ITGB3BP: variants seen among roughly 807,000 people sequenced by gnomAD.
ITGB3BP encodes integrin subunit beta 3 binding protein.
Under a neutral mutation model 29.1 loss-of-function variants are expected in ITGB3BP, and 27 were observed. That is an observed-to-expected ratio of 0.93 (90% confidence interval 0.68 to 1.28). The LOEUF is 1.28. Ranked by LOEUF, ITGB3BP falls within the 50% of genes most tolerant of loss-of-function variation. ITGB3BP has a pLI of 0.00. For missense variants in ITGB3BP, 192 were observed against 200.2 expected (o/e 0.96, Z 0.25); for synonymous variants, 61 against 61.4 (o/e 0.99, Z 0.03).
chr1:63,518,502 G>A (rs1489739375), intron 1 of ITGB3BP, among the ~76,000 whole-genome samples: 2 of 151,016 alleles, frequency 1.3e-5, no homozygotes, highest in East Asian at 1.9e-4. Flanking sequence ...TTTCATCTAA[G>A]TACAATTTAC....
chr1:63,472,477 TCTC>T (rs1450930101), intron 4 of ITGB3BP, among the ~76,000 whole-genome samples: 4 of 111,604 alleles, frequency 3.6e-5, no homozygotes, highest in Non-Finnish European at 5.4e-5. Context: ...CTCTCCCCTC[TCTC>T]CTCTCCACGG....
intron 4 of ITGB3BP, among the ~76,000 whole-genome samples, chr1:63,468,663 A>G (rs1482524247): frequency 6.6e-6 from 1 of 152,008 alleles, no homozygotes; most frequent in Non-Finnish European, 1.5e-5. Context: ...GGAGTTCAAG[A>G]CCAGCCTGAC....
intron 1 of ITGB3BP, among the ~76,000 whole-genome samples, chr1:63,521,554 T>G (rs1646445595): frequency 6.6e-6 from 1 of 152,152 alleles, no homozygotes; most frequent in African/African-American, 2.4e-5. Flanking sequence ...CTTTTAGGCC[T>G]GACACAGTGG....
At chr1:63,491,669 A>C (rs2100683681) in intron 2 of ITGB3BP, among the ~76,000 whole-genome samples, 1 of 152,220 alleles carries the variant, frequency 6.6e-6, no homozygotes, top group East Asian at 1.9e-4. Context: ...TATAGCATTC[A>C]AAAAAAATTT....
At chr1:63,504,149 G>A (rs2100751686) in intron 2 of ITGB3BP, among the ~76,000 whole-genome samples, 1 of 152,000 alleles carries the variant, frequency 6.6e-6, no homozygotes, top group South Asian at 2.1e-4. Flanking sequence ...CCATGAGCAT[G>A]GAATGTTCTT....
chr1:63,489,100 C>T (rs570599971), intron 3 of ITGB3BP, among the ~76,000 whole-genome samples: 1 of 151,962 alleles, frequency 6.6e-6, no homozygotes, highest in Non-Finnish European at 1.5e-5. Context: ...AAAGTGTATA[C>T]ATTTTCATAC....
intron 3 of ITGB3BP, among the ~76,000 whole-genome samples, chr1:63,485,948 T>A (rs1284427550): frequency 6.6e-6 from 1 of 152,042 alleles, no homozygotes; most frequent in African/African-American, 2.4e-5. Flanking sequence ...GCTACTCTAA[T>A]TTGCAAATTC....
In ITGB3BP at chr1:63,448,372, A is replaced by T. The variant is rs564806106; in HGVS notation, c.485-1516T>A. ...AAGCAATCTAGGCAGAGGGAAAGGTAGCAAAGTGTTCTGGGGTCCTGAAAG... is the reference window on the plus strand; with the variant it reads ...AAGCAATCTAGGCAGAGGGAAAGGTTGCAAAGTGTTCTGGGGTCCTGAAAG... On this transcript the variant is annotated intron_variant, in intron 7 of 8. Coordinates refer to ENST00000271002, the MANE Select transcript of ITGB3BP (RefSeq NM_014288.5). Among the ~76,000 whole-genome samples, 137 of 152,032 alleles carry T rather than the reference A, an allele frequency of 9.0e-4. No individual in the cohort carries two copies. The Middle Eastern group carries it at 0.01, about 11-fold the overall frequency.
At chr1:63,498,906 T>C (rs147549659) in intron 2 of ITGB3BP, among the ~76,000 whole-genome samples, 41 of 152,138 alleles carry the variant, frequency 2.7e-4, no homozygotes, top group African/African-American at 9.6e-4. Context: ...AAAAGGGATG[T>C]TACTACTGGC....
At chr1:63,482,130 G>A (rs547548150) in intron 3 of ITGB3BP, among the ~76,000 whole-genome samples, 28 of 151,682 alleles carry the variant, frequency 1.8e-4, no homozygotes, top group African/African-American at 9.7e-5. Flanking sequence ...AAAATTACCC[G>A]CGCCTGGTGG....
chr1:63,456,441 A>C (rs1644938012), intron 4 of ITGB3BP, among the ~76,000 whole-genome samples: 1 of 152,146 alleles, frequency 6.6e-6, no homozygotes, highest in Non-Finnish European at 1.5e-5. Context: ...ATGGTATCAT[A>C]AAGGAATTCC....
At chr1:63,498,849 T>C (rs1252329093) in intron 2 of ITGB3BP, among the ~76,000 whole-genome samples, 1 of 145,522 alleles carries the variant, frequency 6.9e-6, no homozygotes, top group African/African-American at 2.5e-5. Flanking sequence ...GGAGGGAGGG[T>C]GGAAGGAAGG....
rs1294849221 is a variant in ITGB3BP, at chr1:63,453,951, G to T, written c.451C>A (p.Leu151Met). ...ELMTKVNKQK[L>M]FEKSTGLPHK... is the part of the protein sequence containing the mutation. ...GGAAGTCCTGTACTCTTTTCAAACA[G>T]TTTTTGTTTATTCACTTTTGTCACT... The change falls in exon 7 of 9, where the codon CTG (leucine) becomes ATG (methionine). Residue 151 changes from leucine to methionine, a missense_variant. Transcript: ENST00000271002. 6.3e-7 allele frequency: 1 copy of T among 1,578,618 alleles called. No homozygotes were observed. Among genetic ancestry groups the T allele is most frequent in the Non-Finnish European group, 8.7e-7 (1 of 1,155,472 alleles).
upstream of ITGB3BP, chr1:63,523,309 C>T (rs542656822): frequency 1.6e-5 from 13 of 788,908 alleles, no homozygotes; most frequent in East Asian, 3.0e-4. Context: ...CGGGTGTGCG[C>T]GAGCAAAGGA....
intron 3 of ITGB3BP, among the ~76,000 whole-genome samples, chr1:63,482,039 G>C (rs889420550): frequency 2.0e-5 from 3 of 152,036 alleles, no homozygotes; most frequent in Admixed American, 2.0e-4. Context: ...TTGGGAGGCT[G>C]AGGCAGGTGG....
At chr1:63,505,351 G>A (rs374843682) in intron 2 of ITGB3BP, among the ~76,000 whole-genome samples, 26 of 151,996 alleles carry the variant, frequency 1.7e-4, no homozygotes, top group East Asian at 9.6e-4. Flanking sequence ...TGGGATCGGT[G>A]GTGATATCCC....
In ITGB3BP at chr1:63,444,155, A is replaced by G. The variant is rs1284874221; in HGVS notation, c.*1+2651T>C. Among the ~76,000 whole-genome samples the G allele has an allele frequency of 2.0e-5, 3 of 152,128 alleles. No individual in the cohort carries two copies. In the East Asian group the frequency reaches 5.8e-4, roughly 29 times the overall value. The stretch of plus-strand genomic sequence containing the variant: ...TAATTCTTTCCAGTTTCTTGAAAGT[A>G]TTACTCAAAGACTCAAAAGAACACC... On this transcript the variant is annotated intron_variant, in intron 8 of 8. Transcript: ENST00000271002.
At chr1:63,490,249 T>C in intron 2 of ITGB3BP, 31 bp from the exon 3 acceptor site, 1 of 1,442,654 alleles carries the variant, frequency 6.9e-7, no homozygotes, top group South Asian at 1.2e-5. Context: ...AGGACAGAAA[T>C]AGCTATGTTT....
intron 8 of ITGB3BP, among the ~76,000 whole-genome samples, chr1:63,441,512 A>C (rs1204367272): frequency 6.6e-6 from 1 of 152,202 alleles, no homozygotes; most frequent in Non-Finnish European, 1.5e-5. Context: ...CTGCGATTAC[A>C]GGCATGAGCC....
Sources: allele counts gnomAD v4.1 joint callset (sites outside exome capture counted in the v4.1 genomes callset), GRCh38; gene constraint gnomAD v4.1.1; transcripts MANE v1.5; gene names NCBI Gene and HGNC (gene_info 2026-07-23, HGNC 2026-07-21).